Variants in DOCK10 observed in about 807,000 individuals in gnomAD.
The protein encoded by DOCK10 is dedicator of cytokinesis 10.
DOCK10 carries 145 observed loss-of-function variants against 280.1 expected under a neutral mutation model. That is an observed-to-expected ratio of 0.52 (90% CI 0.45 to 0.59). The LOEUF (loss-of-function observed/expected upper bound fraction) is 0.59, where lower values mean the gene tolerates loss of function less well. Ranked by LOEUF, DOCK10 falls within the 20% of genes least tolerant of loss-of-function variation. The pLI, the probability that DOCK10 is intolerant of heterozygous loss-of-function variation, is 0.00. For missense variants in DOCK10, 2,368 were observed against 2,651.7 expected (o/e 0.89, Z 2.35); for synonymous variants, 915 against 942.2 (o/e 0.97, Z 0.53).
chr2:224,864,532 A>C (rs1697738367), intron 13 of DOCK10, 21 bp downstream of exon 13: 2 of 1,535,114 alleles, frequency 1.3e-6, no homozygotes, highest in Middle Eastern at 3.5e-4. Context: ...AAGTGAAGTT[A>C]TTTATAAGAT....
chr2:224,886,298 T>A (rs1017432586), intron 5 of DOCK10, 113 bp from the exon 6 acceptor site: 1 of 1,521,140 alleles, frequency 6.6e-7, no homozygotes, highest in Non-Finnish European at 8.9e-7. Flanking sequence ...TAAATAAGCA[T>A]GTTCAATTTC....
Position 225,042,455 on chromosome 2 carries a change from G to C in DOCK10, c.-81C>G. ...CCGCGCCAACCTTCTCTATCCACCC[G>C]CCGTTCAGGAAGCGGAACTCGGAGC... On this transcript the variant is annotated 5_prime_UTR_variant, in exon 1 of 56. Coordinates refer to ENST00000258390, the MANE Select transcript of DOCK10 (RefSeq NM_014689.3). This position sits in a 1 kb window ranked among gnomAD's most constrained non-coding sequence, Gnocchi z 5.1. 1 of 1,217,610 alleles carries C rather than the reference G, an allele frequency of 8.2e-7. No homozygotes were observed. The highest frequency in any genetic ancestry group is 1.0e-6 in the Non-Finnish European group (1 of 976,440). The allele number at this position is 1,217,610 out of a possible 1,614,324, so 75.4% of individuals were successfully genotyped here.
At chr2:224,997,635 G>A (rs1706311838) in intron 1 of DOCK10, among the ~76,000 whole-genome samples, 1 of 152,128 alleles carries the variant, frequency 6.6e-6, no homozygotes, top group Admixed American at 6.6e-5. Flanking sequence ...AACAAGCTCG[G>A]CTCAAATGTA....
chr2:224,959,777 C>T (rs184444066), intron 1 of DOCK10, among the ~76,000 whole-genome samples: 328 of 152,298 alleles, frequency 2.2e-3, no homozygotes, highest in African/African-American at 7.5e-3. Context: ...AGCTGCAAAA[C>T]GGAAGCCGAC....
At chr2:224,965,304 A>G (rs1704673778) in intron 1 of DOCK10, among the ~76,000 whole-genome samples, 1 of 152,222 alleles carries the variant, frequency 6.6e-6, no homozygotes, top group Non-Finnish European at 1.5e-5. Context: ...GAGAGGGAGC[A>G]GAGCCTGGCA....
intron 1 of DOCK10, among the ~76,000 whole-genome samples, chr2:225,001,338 G>A (rs1358364987): frequency 7.0e-6 from 1 of 142,670 alleles, no homozygotes; most frequent in African/African-American, 2.8e-5. Flanking sequence ...CACCCAGGCT[G>A]GAGTGCAGTG....
intron 19 of DOCK10, 123 bp from the exon 20 acceptor site, chr2:224,845,765 C>A (rs1056808386): frequency 1.1e-6 from 1 of 946,150 alleles, no homozygotes; most frequent in Non-Finnish European, 1.6e-6. Flanking sequence ...ACTCTGTCAC[C>A]TACGCTGGAG....
At chr2:224,961,017 C>T (rs142161666) in intron 1 of DOCK10, among the ~76,000 whole-genome samples, 9 of 152,196 alleles carry the variant, frequency 5.9e-5, no homozygotes, top group Admixed American at 2.6e-4. Flanking sequence ...GGATTACAGG[C>T]GTGAGCCACC....
rs1279924949 is a variant in DOCK10 at position 224,988,622 on chromosome 2, A to G, written c.123+53630T>C. ...AACTGGCATGTGGCAGGCGGTAGTGAGGCAACCCTGGAAAATTCCCTTTGA... is the reference window on the plus strand; with the variant it reads ...AACTGGCATGTGGCAGGCGGTAGTGGGGCAACCCTGGAAAATTCCCTTTGA... On this transcript the variant is annotated intron_variant, in intron 1 of 55. Coordinates refer to ENST00000258390, the MANE Select transcript of DOCK10 (RefSeq NM_014689.3). 3.3e-5 allele frequency among the ~76,000 whole-genome samples: 5 copies of G among 152,196 alleles called. No individual in the cohort carries two copies. In the East Asian group the frequency reaches 9.6e-4, roughly 29 times the overall value.
chr2:225,000,351 G>A (rs1706399688), intron 1 of DOCK10, among the ~76,000 whole-genome samples: 1 of 152,114 alleles, frequency 6.6e-6, no homozygotes, highest in South Asian at 2.1e-4. Flanking sequence ...AAGAACCGCT[G>A]GGGATCTCCT....
intron 55 of DOCK10, chr2:224,768,853 T>A (rs1690228023): frequency 2.2e-6 from 1 of 455,924 alleles, no homozygotes; most frequent in Admixed American, 2.4e-5. Flanking sequence ...AGAGTAGACA[T>A]AAAGAAAGAA....
intron 2 of DOCK10, among the ~76,000 whole-genome samples, chr2:224,929,292 G>C (rs1305329962): frequency 6.6e-6 from 1 of 152,182 alleles, no homozygotes; most frequent in Admixed American, 6.5e-5. Context: ...GGTGATTTCT[G>C]TCTAATCACT....
At chr2:224,953,081 T>C (rs1196266445) in intron 1 of DOCK10, among the ~76,000 whole-genome samples, 2 of 152,060 alleles carry the variant, frequency 1.3e-5, no homozygotes, top group South Asian at 2.1e-4. Flanking sequence ...AACAGAAACA[T>C]AGTGCTTAAG....
At chr2:224,997,033 T>C (rs1375678180) in intron 1 of DOCK10, among the ~76,000 whole-genome samples, 1 of 152,216 alleles carries the variant, frequency 6.6e-6, no homozygotes. Flanking sequence ...AGTATTCATG[T>C]AACTTCACAA....
At chr2:224,793,358 T>C (rs1358087836) in intron 46 of DOCK10, 42 bp downstream of exon 46, 2 of 1,503,344 alleles carry the variant, frequency 1.3e-6, no homozygotes, top group Non-Finnish European at 1.8e-6. Context: ...CTTCAATGTG[T>C]TGATATCTAG....
At chr2:224,880,562 C>T (rs1006240589) in intron 7 of DOCK10, among the ~76,000 whole-genome samples, 21 of 152,174 alleles carry the variant, frequency 1.4e-4, no homozygotes, top group African/African-American at 4.6e-4. Flanking sequence ...ATATCAGTGT[C>T]CTTTGCAGCC....
At chr2:224,974,290 A>G (rs927770698) in intron 1 of DOCK10, among the ~76,000 whole-genome samples, 1 of 152,202 alleles carries the variant, frequency 6.6e-6, no homozygotes, top group Admixed American at 6.5e-5. Flanking sequence ...CATGGTCTTA[A>G]AAACTAAAAT....
At chr2:224,788,275 A>G (rs1342572364) in intron 48 of DOCK10, among the ~76,000 whole-genome samples, 2 of 152,030 alleles carry the variant, frequency 1.3e-5, no homozygotes, top group South Asian at 2.1e-4. Flanking sequence ...AATTCCTTTC[A>G]TATACTAGTG....
chr2:224,904,663 C>A (rs1000969389), intron 3 of DOCK10, among the ~76,000 whole-genome samples: 1 of 152,094 alleles, frequency 6.6e-6, no homozygotes, highest in African/African-American at 2.4e-5. Flanking sequence ...ACCCACTCTC[C>A]CAAATCAACT....
Sources: gnomAD v4.1 joint callset for allele counts (sites outside exome capture counted in the v4.1 genomes callset) on GRCh38, gnomAD v4.1.1 for gene constraint, Gnocchi (gnomAD v3.1) non-coding constraint, MANE v1.5 for transcripts, NCBI Gene and HGNC (gene_info 2026-07-23, HGNC 2026-07-21) for gene names.